The following MAP3K21 variants were observed in gnomAD, a reference collection of about 807,000 sequenced individuals.
MAP3K21 encodes mitogen-activated protein kinase kinase kinase 21, also known as mitogen-activated protein kinase kinase kinase MLK4.
A neutral mutation model predicts 86.1 loss-of-function variants in MAP3K21; 63 were observed. That is an observed-to-expected ratio of 0.73 (90% confidence interval 0.60 to 0.90). MAP3K21 has a LOEUF of 0.90. MAP3K21 is among the 40% of genes least tolerant of loss of function. MAP3K21 has a pLI of 0.00. For synonymous variants in MAP3K21, 558 were observed against 564.8 expected (o/e 0.99, Z 0.17); for missense variants, 1,220 against 1,367.7 (o/e 0.89, Z 1.70).
rs563111382 is a variant in MAP3K21 at position 233,372,502 on chromosome 1, T to C, written c.1675+342T>C. ...ATCAGCCATTTGTGTCAGGGTACTT[T>C]GAAAAATGAAATCAGGAATTCAGGA... On this transcript the variant is annotated intron_variant, in intron 6 of 9. Transcript: ENST00000366624. 9 of 324,306 alleles carry C rather than the reference T, an allele frequency of 2.8e-5. No homozygotes were observed. The East Asian group carries it at 3.9e-4, about 14-fold the overall frequency. 20.1% of individuals were successfully genotyped at this position (324,306 alleles called of 1,614,324 possible).
intron 8 of MAP3K21, among the ~76,000 whole-genome samples, chr1:233,378,092 G>C (rs1046640927): frequency 2.6e-5 from 4 of 152,224 alleles, no homozygotes; most frequent in Non-Finnish European, 5.9e-5. Context: ...CACGGTATCA[G>C]TCCATGGCCT....
intron 4 of MAP3K21, among the ~76,000 whole-genome samples, chr1:233,358,695 C>T (rs12059177): frequency 0.011 from 1,688 of 151,750 alleles, 32 homozygotes; most frequent in African/African-American, 0.038. Context: ...TGTTGGGGGC[C>T]GAGGTGAGAG....
rs35461412 is a variant in MAP3K21, at chr1:233,369,220, CA to C, written c.1553-2798del. 1.5e-3 allele frequency among the ~76,000 whole-genome samples: 156 copies of C among 105,590 alleles called. 1 individual carries two copies. The highest frequency in any genetic ancestry group is 1.7e-3 in the Admixed American group (15 of 8,584). 69.3% of individuals were successfully genotyped at this position (105,590 alleles called of 152,430 possible). On this transcript the variant is annotated intron_variant, in intron 5 of 9. Coordinates refer to ENST00000366624, the MANE Select transcript of MAP3K21 (RefSeq NM_032435.3). ...GTGAAACCCCGTCTCTAGTAAAATA[CA>C]AAAAAAAAAAAAAAAAAAATTAGCC...
chr1:233,330,088 A>G (rs1572235656), intron 1 of MAP3K21, among the ~76,000 whole-genome samples: 1 of 152,248 alleles, frequency 6.6e-6, no homozygotes, highest in Non-Finnish European at 1.5e-5. Context: ...GACAGGAGCT[A>G]GCTCAAGTGA....
intron 4 of MAP3K21, among the ~76,000 whole-genome samples, chr1:233,361,802 T>G (rs528246608): frequency 1.4e-4 from 21 of 152,214 alleles, no homozygotes; most frequent in Non-Finnish European, 2.8e-4. Flanking sequence ...CTGGCGTTTG[T>G]GCAGAGGCCT....
At chr1:233,374,775 A>G (rs1663756201) in intron 6 of MAP3K21, among the ~76,000 whole-genome samples, 1 of 151,834 alleles carries the variant, frequency 6.6e-6, no homozygotes, top group South Asian at 2.1e-4. Context: ...TGTAATATTA[A>G]ATATAATATA....
At position 233,328,467 on chromosome 1, in the gene MAP3K21, G is replaced by T; in HGVS notation, c.439G>T (p.Glu147Ter). The T allele has an allele frequency of 6.7e-7, 1 of 1,502,238 alleles. No individual in the cohort carries two copies. Among genetic ancestry groups the T allele is most frequent in the Non-Finnish European group, 8.8e-7 (1 of 1,135,750 alleles). The allele number at this position is 1,502,238 out of a possible 1,614,324, so 93.1% of individuals were successfully genotyped here. ...QVYRATWQGQ[E>*]VAVKAARQDP... ...GTACCGCGCCACCTGGCAGGGCCAG[G>T]AGGTGGCCGTGAAGGCGGCGCGCCA... The change falls in exon 1 of 10, where the codon GAG (glutamate) becomes TAG (stop). Residue 147 changes from glutamate (E) to a stop codon, truncating the protein, a stop_gained. Coordinates refer to ENST00000366624, the MANE Select transcript of MAP3K21 (RefSeq NM_032435.3). LOFTEE classifies it high-confidence loss of function. This position sits in a 1 kb window ranked among gnomAD's most constrained non-coding sequence, Gnocchi z 8.7.
At chr1:233,333,399 C>G (rs1266760958) in intron 1 of MAP3K21, among the ~76,000 whole-genome samples, 2 of 152,136 alleles carry the variant, frequency 1.3e-5, no homozygotes, top group African/African-American at 4.8e-5. Flanking sequence ...GAATGGCAAT[C>G]ACAAAAGAGT....
rs1327729672 is a variant in MAP3K21, at chr1:233,328,396, G to T, written c.368G>T (p.Arg123Leu). Residue 123 changes from arginine to leucine, a missense_variant, in exon 1 of 10, where the codon CGG becomes CTG. Arg to Leu is a moderately radical substitution (Grantham distance 102, BLOSUM62 -2). This residue lies in a region of MAP3K21 where 369 missense variants were observed against 385.3 expected (regional missense o/e 0.96). Transcript: ENST00000366624. This position sits in a 1 kb window ranked among gnomAD's most constrained non-coding sequence, Gnocchi z 8.7. ...PSSPVHVAFERLELKELIGAG... is the reference protein window; with the variant it reads ...PSSPVHVAFELLELKELIGAG... Reference sequence around the variant, plus strand: ...TCCCCGGTACACGTCGCCTTCGAGCGGCTGGAGCTGAAGGAGCTCATCGGC... The same window carrying T: ...TCCCCGGTACACGTCGCCTTCGAGCTGCTGGAGCTGAAGGAGCTCATCGGC... 3 of 1,488,688 alleles carry T rather than the reference G, an allele frequency of 2.0e-6. No individual in the cohort carries two copies. Among genetic ancestry groups the T allele is most frequent in the Non-Finnish European group, 2.7e-6 (3 of 1,127,130 alleles). The allele number at this position is 1,488,688 out of a possible 1,614,324, so 92.2% of individuals were successfully genotyped here.
chr1:233,349,525 GA>G (rs1663208864), intron 2 of MAP3K21, among the ~76,000 whole-genome samples: 1 of 152,146 alleles, frequency 6.6e-6, no homozygotes, highest in African/African-American at 2.4e-5. Context: ...AGAAAAAAAG[GA>G]AAAGAAAGTT....
intron 5 of MAP3K21, among the ~76,000 whole-genome samples, chr1:233,366,337 G>T (rs1234307235): frequency 6.6e-6 from 1 of 152,140 alleles, no homozygotes; most frequent in East Asian, 1.9e-4. Flanking sequence ...AAAGCCAGAA[G>T]AGAGGATATT....
chr1:233,382,177 T>C (rs1345891062), intron 9 of MAP3K21, 128 bp from the exon 10 acceptor site: 6 of 832,442 alleles, frequency 7.2e-6, no homozygotes, highest in African/African-American at 1.7e-5. Context: ...TGAATGCATG[T>C]TTTTTGTTGA....
Position 233,354,902 on chromosome 1 carries a change from T to C in MAP3K21, c.1202T>C (p.Ile401Thr), listed in dbSNP as rs1223732721. The change falls in exon 4 of 10, where the codon ATT (isoleucine) becomes ACT (threonine). Residue 401 changes from isoleucine (I) to threonine (T), a missense_variant. Around this residue, in one of 5 missense-constraint regions of MAP3K21, gnomAD observed 126 missense variants for 127.7 expected, o/e 0.99. Coordinates refer to ENST00000366624, the MANE Select transcript of MAP3K21 (RefSeq NM_032435.3). The stretch of plus-strand genomic sequence containing the variant: ...TTAATTCTCGAACAGTTGACTGCTA[T>C]TGAAGGGGCAGTGATGACTGAGATG... Reference protein sequence around the residue: ...FALILEQLTAIEGAVMTEMPQ... With the variant: ...FALILEQLTATEGAVMTEMPQ... 2 of 1,613,674 alleles carry C rather than the reference T, an allele frequency of 1.2e-6. No individual in the cohort carries two copies. Among genetic ancestry groups the C allele is most frequent in the Admixed American group, 1.7e-5 (1 of 59,996 alleles).
chr1:233,382,343 C>T lies in MAP3K21; in HGVS notation c.2743C>T (p.Leu915=), dbSNP rs200883983. ...TIISATGASA[L]PLCPSPAPHS... is the part of the protein sequence containing the mutation. ...TATCTCAGCCACTGGAGCCTCTGCA[C>T]TGCCACTCTGCCCCTCACCTGCTCC... is the stretch of plus-strand genomic sequence containing the variant. The change falls in exon 10 of 10, where the codon CTG becomes TTG. Residue 915 remains leucine (L), a synonymous_variant. Coordinates refer to ENST00000366624, the MANE Select transcript of MAP3K21 (RefSeq NM_032435.3). 5.0e-5 allele frequency: 81 copies of T among 1,614,126 alleles called. 1 individual carries two copies. In the Admixed American group the frequency reaches 1.3e-3, roughly 26 times the overall value.
At position 233,375,945 on chromosome 1, in the gene MAP3K21, G is replaced by T. The variant is rs1357931431; in HGVS notation, c.1705G>T (p.Gly569Ter). The T allele has an allele frequency of 6.2e-7, 1 of 1,611,996 alleles. No homozygotes were observed. The highest frequency in any genetic ancestry group is 8.5e-7 in the Non-Finnish European group (1 of 1,179,092). Residue 569 changes from glycine (G) to a stop codon, truncating the protein, a stop_gained, in exon 7 of 10, where the codon GGA becomes TGA. Coordinates refer to ENST00000366624, the MANE Select transcript of MAP3K21 (RefSeq NM_032435.3). LOFTEE classifies it high-confidence loss of function. ...TTCAGATGAAAGCAATAAAACTTGG[G>T]GAAGGAACACAGTCTTTCGACAAGA... ...LTSDESNKTW[G>*]RNTVFRQEEF... is the part of the protein sequence containing the mutation.
chr1:233,342,534 T>C (rs147094918), intron 1 of MAP3K21, among the ~76,000 whole-genome samples: 8 of 152,370 alleles, frequency 5.3e-5, no homozygotes, highest in African/African-American at 1.9e-4. Flanking sequence ...CGCAGAATGC[T>C]ATAAAATACA....
Position 233,384,327 on chromosome 1 carries a change from T to C in MAP3K21, c.*1616T>C, listed in dbSNP as rs1663967078. ...CAGATGAGAAACAGTATGAAAGGAT[T>C]GTATTAACATGGTAAGTTTTGCCCT... On this transcript the variant is annotated 3_prime_UTR_variant, in exon 10 of 10. Transcript: ENST00000366624. 1 of 152,218 alleles carries C rather than the reference T, an allele frequency of 6.6e-6. No individual in the cohort carries two copies. Among genetic ancestry groups the C allele is most frequent in the African/African-American group, 2.4e-5 (1 of 41,460 alleles). 9.4% of individuals were successfully genotyped at this position (152,218 alleles called of 1,614,324 possible).
At chr1:233,372,386 C>T (rs571960249) in intron 6 of MAP3K21, 18 of 460,130 alleles carry the variant, frequency 3.9e-5, no homozygotes, top group South Asian at 2.7e-4. Context: ...GTTGGTGATG[C>T]GACCTGGCCC....
chr1:233,363,123 C>T (rs1663496806), intron 5 of MAP3K21, among the ~76,000 whole-genome samples: 1 of 152,136 alleles, frequency 6.6e-6, no homozygotes, highest in Non-Finnish European at 1.5e-5. Context: ...ATGCAGACTT[C>T]ACTTTTATAG....
Sources: gnomAD v4.1 joint callset for allele counts (sites outside exome capture counted in the v4.1 genomes callset) on GRCh38, gnomAD v4.1.1 for gene constraint, gnomAD v4.1.1 regional missense constraint, Gnocchi (gnomAD v3.1) non-coding constraint, MANE v1.5 for transcripts, NCBI Gene and HGNC (gene_info 2026-07-23, HGNC 2026-07-21) for gene names.